The following TUSC3 variants were observed in gnomAD, a reference collection of about 807,000 sequenced individuals.
TUSC3 encodes dolichyl-diphosphooligosaccharide--protein glycosyltransferase subunit TUSC3.
A neutral mutation model predicts 44.8 loss-of-function variants in TUSC3; 45 were observed. The observed-to-expected ratio is 1.00, with a 90% CI of 0.79 to 1.29. TUSC3 has a LOEUF of 1.29. TUSC3 is among the 50% of genes most tolerant of loss of function. The pLI, the probability that TUSC3 is intolerant of heterozygous loss-of-function variation, is 0.00. For missense variants in TUSC3, 519 were observed against 437.9 expected, an observed-to-expected ratio of 1.19 and a Z score of -1.65; for synonymous variants, 212 against 152.9, an observed-to-expected ratio of 1.39 and a Z score of -2.85.
Position 15,540,544 on chromosome 8 carries a change from C to CGG in TUSC3, c.118_119dup (p.Gly41GlufsTer10). ...TGCTGCTGCTGCTCTGCATCCAGCT[C>CGG]GGGGGAGGACAGAAGAAAAAGGAGG... On this transcript the variant is annotated frameshift_variant, in exon 1 of 11. Transcript: ENST00000503731. LOFTEE classifies it high-confidence loss of function. 1 of 1,597,014 alleles carries CGG rather than the reference C, an allele frequency of 6.3e-7. No individual in the cohort carries two copies. Among genetic ancestry groups the CGG allele is most frequent in the Non-Finnish European group, 8.5e-7 (1 of 1,172,494 alleles).
At chr8:15,589,092 A>G (rs1373702355) in intron 1 of TUSC3, among the ~76,000 whole-genome samples, 1 of 152,120 alleles carries the variant, frequency 6.6e-6, no homozygotes, top group Admixed American at 6.5e-5. Flanking sequence ...TTTTCTTACT[A>G]AATTTAAAGT....
chr8:15,466,602 C>T (rs963904682), intron 1 of TUSC3, among the ~76,000 whole-genome samples: 1 of 152,072 alleles, frequency 6.6e-6, no homozygotes, highest in Admixed American at 6.6e-5. Flanking sequence ...GACATTCAGT[C>T]TTGTCTTAAG....
chr8:15,585,165 C>G lies in TUSC3; in HGVS notation c.139-37915C>G, dbSNP rs190971617. 4.6e-4 allele frequency among the ~76,000 whole-genome samples: 70 copies of G among 152,228 alleles called. 1 individual carries two copies. The highest frequency in any genetic ancestry group is 2.3e-3 in the Admixed American group (35 of 15,290). ...AGTAAAAAATTCATCAGTTGCCTAA[C>G]TGGCGTTAGGAATAGAGTGGCATTA... On this transcript the variant is annotated intron_variant, in intron 1 of 10. Transcript: ENST00000503731.
chr8:15,428,067 C>T (rs192831899), intron 1 of TUSC3, among the ~76,000 whole-genome samples: 1,743 of 151,100 alleles, frequency 0.012, 36 homozygotes, highest in African/African-American at 0.04. Context: ...GTGCTGCACC[C>T]ATTAACTCGT....
At chr8:15,514,397 C>G (rs1253856633) in intron 2 of TUSC3, among the ~76,000 whole-genome samples, 1 of 152,116 alleles carries the variant, frequency 6.6e-6, no homozygotes, top group Non-Finnish European at 1.5e-5. Flanking sequence ...GATACAGAAA[C>G]TTGCTCATGA....
intron 10 of TUSC3, 146 bp from the exon 11 acceptor site, chr8:15,764,057 C>T (rs1812256581): frequency 2.4e-6 from 2 of 820,590 alleles, no homozygotes; most frequent in Admixed American, 2.6e-5. Context: ...GAAAAATTGC[C>T]CTGATGTAAA....
chr8:15,723,910 T>C (rs576781932), intron 6 of TUSC3, among the ~76,000 whole-genome samples: 4 of 152,290 alleles, frequency 2.6e-5, no homozygotes, highest in African/African-American at 9.6e-5. Context: ...TTTGAAGTGC[T>C]ATCTTATTCA....
the TUSC3 span, among the ~76,000 whole-genome samples, chr8:15,797,826 G>T: frequency 6.6e-6 from 1 of 152,188 alleles, no homozygotes; most frequent in Non-Finnish European, 1.5e-5. Flanking sequence ...AATCACCTTT[G>T]CAACATCCGC....
chr8:15,533,052 G>C (rs931081612), intron 2 of TUSC3, among the ~76,000 whole-genome samples: 1 of 152,098 alleles, frequency 6.6e-6, no homozygotes, highest in African/African-American at 2.4e-5. Flanking sequence ...TGGCCTCCCA[G>C]AGTGCTGGGA....
At chr8:15,710,298 A>G (rs1438886280) in intron 6 of TUSC3, among the ~76,000 whole-genome samples, 1 of 151,842 alleles carries the variant, frequency 6.6e-6, no homozygotes, top group Non-Finnish European at 1.5e-5. Context: ...TTTAGATAAT[A>G]TATAGTTATT....
chr8:15,801,754 G>T, the TUSC3 span, among the ~76,000 whole-genome samples: 1 of 152,156 alleles, frequency 6.6e-6, no homozygotes, highest in Non-Finnish European at 1.5e-5. Context: ...TTCTAGAGCT[G>T]CAAGAGAACC....
intron 3 of TUSC3, among the ~76,000 whole-genome samples, chr8:15,656,702 T>C (rs1258832106): frequency 6.6e-6 from 1 of 152,202 alleles, no homozygotes; most frequent in African/African-American, 2.4e-5. Context: ...CTCTGTAGTT[T>C]GGGATTTCAG....
At chr8:15,518,102 T>G (rs1056479492) in intron 2 of TUSC3, among the ~76,000 whole-genome samples, 8 of 152,162 alleles carry the variant, frequency 5.3e-5, no homozygotes, top group Non-Finnish European at 1.0e-4. Context: ...GCCTGTAGAT[T>G]TCATATAAAT....
At chr8:15,785,006 AAT>A in the TUSC3 span, among the ~76,000 whole-genome samples, 164 of 149,298 alleles carry the variant, frequency 1.1e-3, no homozygotes, top group Middle Eastern at 3.4e-3. Flanking sequence ...CATTGTACCT[AAT>A]ATATATATAT....
At chr8:15,603,144 C>G (rs1324940650) in intron 1 of TUSC3, among the ~76,000 whole-genome samples, 1 of 151,498 alleles carries the variant, frequency 6.6e-6, no homozygotes, top group Non-Finnish European at 1.5e-5. Context: ...TAATACATGA[C>G]TAGTTAATTA....
chr8:15,601,906 G>A (rs1355824445), intron 1 of TUSC3, among the ~76,000 whole-genome samples: 1 of 90,810 alleles, frequency 1.1e-5, no homozygotes, highest in African/African-American at 4.3e-5. Context: ...TAATATTGTG[G>A]TTATTTATGT....
At chr8:15,790,746 G>C in the TUSC3 span, among the ~76,000 whole-genome samples, 1 of 152,006 alleles carries the variant, frequency 6.6e-6, no homozygotes, top group African/African-American at 2.4e-5. Context: ...TGATAGAACT[G>C]GTAAAAACTC....
intron 5 of TUSC3, among the ~76,000 whole-genome samples, chr8:15,671,161 G>A (rs1807932333): frequency 6.6e-6 from 1 of 151,914 alleles, no homozygotes; most frequent in Non-Finnish European, 1.5e-5. Flanking sequence ...TACATACTCT[G>A]TGATACAGAA....
At chr8:15,568,867 C>T (rs1365336684) in intron 1 of TUSC3, among the ~76,000 whole-genome samples, 1 of 151,976 alleles carries the variant, frequency 6.6e-6, no homozygotes, top group African/African-American at 2.4e-5. Context: ...TTGGAGATTA[C>T]ATTATCATTT....
Sources: allele counts gnomAD v4.1 joint callset (sites outside exome capture counted in the v4.1 genomes callset), GRCh38; gene constraint gnomAD v4.1.1; transcripts MANE v1.5; gene names NCBI Gene and HGNC (gene_info 2026-07-23, HGNC 2026-07-21).